Variants in DNAAF11 observed in about 807,000 individuals in gnomAD.
The protein encoded by DNAAF11 is dynein axonemal assembly factor 11, also known as leucine rich repeat containing 6.
In DNAAF11, 45 loss-of-function variants were observed where a neutral mutation model predicts 60.8. The ratio of observed to expected loss-of-function variants is 0.74; its 90% CI spans 0.58 to 0.95. The LOEUF is 0.95. Among genes scored for constraint, DNAAF11 ranks in the 40% least tolerant of loss-of-function variants. DNAAF11 has a pLI of 0.00. For missense variants in DNAAF11, 546 were observed against 546.2 expected (o/e 1.00, Z 0.00); for synonymous variants, 191 against 183.5 (o/e 1.04, Z -0.33).
rs1461938263 is a variant in DNAAF11, at chr8:132,618,387, G to C, written c.915-3290C>G. ...ATTACCATTCAGGACATAGGCATGG[G>C]CAAGGACTTCATGTCTAAAACACCA... On this transcript the variant is annotated intron_variant, in intron 7 of 11. Transcript: ENST00000620350. Among the ~76,000 whole-genome samples the C allele has an allele frequency of 6.5e-5, 7 of 108,196 alleles. No individual in the cohort carries two copies. In the East Asian group the frequency reaches 1.7e-3, roughly 27 times the overall value. 71.0% of individuals were successfully genotyped at this position (108,196 alleles called of 152,430 possible).
chr8:132,615,233 C>A lies in DNAAF11; in HGVS notation c.915-136G>T, dbSNP rs371099222. ...AAGACAACTTATTTTAGTGGTTGAA[C>A]AATCAAATATCAACGGTAATTTTAA... On this transcript the variant is annotated intron_variant, in intron 7 of 11. Coordinates refer to ENST00000620350, the MANE Select transcript of DNAAF11 (RefSeq NM_012472.6). 282 of 504,944 alleles carry A rather than the reference C, an allele frequency of 5.6e-4. 7 individuals carry two copies. In the South Asian group the frequency reaches 0.011, roughly 19 times the overall value. The allele number at this position is 504,944 out of a possible 1,614,324, so 31.3% of individuals were successfully genotyped here.
At chr8:132,687,630 C>CAAAA in the DNAAF11 span, 1 of 456,088 alleles carries the variant, frequency 2.2e-6, no homozygotes, top group South Asian at 1.5e-5. Flanking sequence ...TAATCCTCAC[C>CAAAA]CATCGTGTGG....
chr8:132,606,644 T>C (rs1818164063), intron 10 of DNAAF11, among the ~76,000 whole-genome samples: 1 of 151,802 alleles, frequency 6.6e-6, no homozygotes, highest in African/African-American at 2.4e-5. Flanking sequence ...TAGCTGGGAC[T>C]AGAGGCATGA....
chr8:132,662,743 C>T (rs910476087), intron 1 of DNAAF11, among the ~76,000 whole-genome samples: 43 of 152,158 alleles, frequency 2.8e-4, no homozygotes, highest in African/African-American at 8.9e-4. Flanking sequence ...CTGCTCTTAA[C>T]CACTATGCTC....
intron 4 of DNAAF11, among the ~76,000 whole-genome samples, chr8:132,635,216 A>G (rs893884454): frequency 2.0e-5 from 3 of 152,136 alleles, no homozygotes; most frequent in Non-Finnish European, 4.4e-5. Flanking sequence ...AGGCCTAAGA[A>G]TCAGAGATCC....
intron 10 of DNAAF11, 47 bp from the exon 11 acceptor site, chr8:132,583,826 T>A (rs748600778): frequency 8.0e-7 from 1 of 1,242,678 alleles, no homozygotes; most frequent in African/African-American, 1.5e-5. Flanking sequence ...TACTCCTTGA[T>A]GTACCTTAAA....
At chr8:132,599,744 T>G (rs886461248) in intron 10 of DNAAF11, among the ~76,000 whole-genome samples, 23 of 152,184 alleles carry the variant, frequency 1.5e-4, no homozygotes, top group African/African-American at 5.3e-4. Flanking sequence ...CTAAAAACTC[T>G]GAATAAATTA....
At chr8:132,636,488 T>C (rs568416246) in intron 4 of DNAAF11, among the ~76,000 whole-genome samples, 1 of 152,300 alleles carries the variant, frequency 6.6e-6, no homozygotes, top group African/African-American at 2.4e-5. Flanking sequence ...TCTCCCTGAA[T>C]GGGTCTGGGA....
the DNAAF11 span, among the ~76,000 whole-genome samples, chr8:132,699,197 C>G: frequency 3.3e-5 from 5 of 151,390 alleles, no homozygotes; most frequent in Non-Finnish European, 7.4e-5. Context: ...GGTGGCGTGC[C>G]TGAATAGGGA....
At chr8:132,643,328 T>A in intron 3 of DNAAF11, 1 of 202,922 alleles carries the variant, frequency 4.9e-6, no homozygotes, top group Non-Finnish European at 1.0e-5. Context: ...AGTCTGTAAG[T>A]AAAAGTAGTT....
At chr8:132,599,548 C>T (rs1817380278) in intron 10 of DNAAF11, among the ~76,000 whole-genome samples, 1 of 152,134 alleles carries the variant, frequency 6.6e-6, no homozygotes, top group Admixed American at 6.5e-5. Flanking sequence ...AAACCGAATC[C>T]AGCAGCACAT....
chr8:132,617,141 A>G (rs564022298), intron 7 of DNAAF11, among the ~76,000 whole-genome samples: 2 of 152,310 alleles, frequency 1.3e-5, no homozygotes, highest in East Asian at 1.9e-4. Context: ...TCTTAACAAC[A>G]TAACTGAATA....
At chr8:132,639,734 A>G (rs768031830) in intron 3 of DNAAF11, among the ~76,000 whole-genome samples, 1 of 152,070 alleles carries the variant, frequency 6.6e-6, no homozygotes, top group Non-Finnish European at 1.5e-5. Context: ...AGTTACCTCT[A>G]TCTTAGAACT....
chr8:132,698,276 G>A, the DNAAF11 span, among the ~76,000 whole-genome samples: 2 of 152,110 alleles, frequency 1.3e-5, no homozygotes, highest in African/African-American at 4.8e-5. Flanking sequence ...CTCTTCATTT[G>A]TGCTAACGAG....
rs1473809721 is a variant in DNAAF11, at chr8:132,651,983, AT to A, written c.256+4846del. ...TAATGGTAATTTTTGAGAATGAAAA[AT>A]AAAAATATATGATGTAGATTTATGT... On this transcript the variant is annotated intron_variant, in intron 3 of 11. Coordinates refer to ENST00000620350, the MANE Select transcript of DNAAF11 (RefSeq NM_012472.6). Among the ~76,000 whole-genome samples the A allele has an allele frequency of 3.9e-5, 6 of 152,260 alleles. No individual in the cohort carries two copies. In the East Asian group the frequency reaches 1.2e-3, roughly 29 times the overall value.
At chr8:132,636,344 G>C (rs1188758147) in intron 4 of DNAAF11, among the ~76,000 whole-genome samples, 2 of 152,126 alleles carry the variant, frequency 1.3e-5, no homozygotes, top group African/African-American at 2.4e-5. Flanking sequence ...GGTATAGTGT[G>C]AATGGTGGAG....
Position 132,656,915 on chromosome 8 carries a change from A to G in DNAAF11, c.179-8T>C. The G allele has an allele frequency of 9.0e-7, 1 of 1,107,772 alleles. No homozygotes were observed. The highest frequency in any genetic ancestry group is 1.3e-6 in the Non-Finnish European group (1 of 743,202). 68.6% of individuals were successfully genotyped at this position (1,107,772 alleles called of 1,614,324 possible). ...TGAGTTTGCTAACATTTTCTGAAATACAAGATAATGTAGTTAAGATAATTA... is the reference window on the plus strand; with the variant it reads ...TGAGTTTGCTAACATTTTCTGAAATGCAAGATAATGTAGTTAAGATAATTA... On this transcript the variant is annotated splice_polypyrimidine_tract_variant and splice_region_variant and intron_variant, in intron 2 of 11. Transcript: ENST00000620350.
rs1823245586 is a variant in DNAAF11, at chr8:132,653,640, G to A, written c.256+3190C>T. On this transcript the variant is annotated intron_variant, in intron 3 of 11. Coordinates refer to ENST00000620350, the MANE Select transcript of DNAAF11 (RefSeq NM_012472.6). Reference sequence around the variant, plus strand: ...ACAATAACAGCATAAACGAAGGGAGGAAAACTAAACTATACAGGAGCAAAG... The same window carrying A: ...ACAATAACAGCATAAACGAAGGGAGAAAAACTAAACTATACAGGAGCAAAG... Among the ~76,000 whole-genome samples, 8 of 152,166 alleles carry A rather than the reference G, an allele frequency of 5.3e-5. No individual in the cohort carries two copies. In the South Asian group the frequency reaches 1.7e-3, roughly 32 times the overall value.
chr8:132,678,244 C>T (rs960725495), upstream of DNAAF11, among the ~76,000 whole-genome samples: 2 of 152,190 alleles, frequency 1.3e-5, no homozygotes, highest in African/African-American at 2.4e-5. Context: ...AGCTGCCTGC[C>T]GTATGGACCC....
Sources: gnomAD v4.1 joint callset for allele counts (sites outside exome capture counted in the v4.1 genomes callset) on GRCh38, gnomAD v4.1.1 for gene constraint, MANE v1.5 for transcripts, NCBI Gene and HGNC (gene_info 2026-07-23, HGNC 2026-07-21) for gene names.